The following HMCN1 variants were observed in gnomAD, a reference collection of about 807,000 sequenced individuals.
HMCN1 encodes the protein hemicentin-1.
A neutral mutation model predicts 625.9 loss-of-function variants in HMCN1; 321 were observed. The observed-to-expected ratio is 0.51, with a 90% CI of 0.47 to 0.56. The LOEUF is 0.56. Ranked by LOEUF, HMCN1 falls within the 20% of genes least tolerant of loss-of-function variation. The pLI is 0.00. For missense variants in HMCN1, 6,588 were observed against 6,887.3 expected, an observed-to-expected ratio of 0.96 and a Z score of 1.54; for synonymous variants, 2,425 against 2,417.6, an observed-to-expected ratio of 1.00 and a Z score of -0.09.
intron 59 of HMCN1, 39 bp from the exon 60 acceptor site, chr1:186,087,404 A>G (rs1216577906): frequency 5.0e-6 from 8 of 1,605,830 alleles, no homozygotes; most frequent in Non-Finnish European, 6.8e-6. Context: ...TGAGCACCTT[A>G]ATGAAAAAGA....
At chr1:185,982,187 T>TG in intron 17 of HMCN1, 75 bp from the exon 18 acceptor site, 1 of 1,398,218 alleles carries the variant, frequency 7.2e-7, no homozygotes, top group South Asian at 1.2e-5. Context: ...TAACAGTCTT[T>TG]GGGGCCTGTG....
chr1:186,139,139 T>C (rs1649800730), intron 89 of HMCN1, among the ~76,000 whole-genome samples: 1 of 152,206 alleles, frequency 6.6e-6, no homozygotes, highest in African/African-American at 2.4e-5. Flanking sequence ...TTGCATCCTA[T>C]TGTGCAGATG....
chr1:186,112,736 T>C, intron 71 of HMCN1, 76 bp from the exon 72 acceptor site: 1 of 1,565,112 alleles, frequency 6.4e-7, no homozygotes, highest in Non-Finnish European at 8.7e-7. Context: ...CTATACTTAC[T>C]TTTGATGCTG....
chr1:186,007,081 T>G, intron 29 of HMCN1, 47 bp from the exon 30 acceptor site: 1 of 1,447,870 alleles, frequency 6.9e-7, no homozygotes, highest in Non-Finnish European at 9.7e-7. Flanking sequence ...ATAAGAAATG[T>G]GAAAAACTGA....
intron 16 of HMCN1, among the ~76,000 whole-genome samples, chr1:185,980,704 T>A (rs1651566473): frequency 6.6e-6 from 1 of 152,216 alleles, no homozygotes; most frequent in Non-Finnish European, 1.5e-5. Context: ...GGACTGCCCG[T>A]CCTCTATTCT....
chr1:185,909,177 G>A (rs1169939130), intron 4 of HMCN1, among the ~76,000 whole-genome samples, 160 bp from the exon 5 acceptor site: 1 of 152,058 alleles, frequency 6.6e-6, no homozygotes, highest in African/African-American at 2.4e-5. Context: ...ACACTAACCA[G>A]AATTAGAAAG....
intron 24 of HMCN1, among the ~76,000 whole-genome samples, chr1:185,996,124 A>C (rs1013186639): frequency 6.6e-6 from 1 of 152,172 alleles, no homozygotes; most frequent in Non-Finnish European, 1.5e-5. Flanking sequence ...TAGTCTCATG[A>C]CTATGTAATT....
At position 186,187,939 on chromosome 1, in the gene HMCN1, A is replaced by G; in HGVS notation, c.16471A>G (p.Asn5491Asp). 6.2e-7 allele frequency: 1 copy of G among 1,613,718 alleles called. No individual in the cohort carries two copies. Among genetic ancestry groups the G allele is most frequent in the Non-Finnish European group, 8.5e-7 (1 of 1,179,700 alleles). Residue 5491 changes from asparagine (N) to aspartate (D), a missense_variant, in exon 106 of 107, where the codon AAC becomes GAC. Coordinates refer to ENST00000271588, the MANE Select transcript of HMCN1 (RefSeq NM_031935.3). ...CTGTGGACCCAATCGCATGTGCTTC[A>G]ACATGAGAGGAAGCTACCAGTGCAT... Reference protein sequence around the residue: ...VHCGPNRMCFNMRGSYQCIDT... With the variant: ...VHCGPNRMCFDMRGSYQCIDT...
chr1:185,968,563 TAAG>T (rs1364079445), intron 14 of HMCN1, among the ~76,000 whole-genome samples: 1 of 151,662 alleles, frequency 6.6e-6, no homozygotes, highest in East Asian at 1.9e-4. Flanking sequence ...ACAGTACAGT[TAAG>T]AAGTTTTTAA....
intron 1 of HMCN1, among the ~76,000 whole-genome samples, chr1:185,806,608 T>G (rs1659189143): frequency 6.6e-6 from 1 of 152,034 alleles, no homozygotes; most frequent in Admixed American, 6.6e-5. Context: ...TATCTTTGAT[T>G]TTTTTCTTTG....
At chr1:185,906,951 A>ATTTTTTTTT (rs573094693) in intron 4 of HMCN1, among the ~76,000 whole-genome samples, 1 of 108,628 alleles carries the variant, frequency 9.2e-6, no homozygotes, top group Non-Finnish European at 2.1e-5. Flanking sequence ...AATCCTTTCT[A>ATTTTTTTTT]TTTTTTTTTT....
intron 102 of HMCN1, 111 bp downstream of exon 102, chr1:186,172,242 T>A (rs1342693117): frequency 6.8e-7 from 1 of 1,464,506 alleles, no homozygotes; most frequent in Non-Finnish European, 9.5e-7. Context: ...CAAGGAAATC[T>A]TTCTTTTTCC....
intron 103 of HMCN1, chr1:186,177,192 G>C (rs1478517052): frequency 6.6e-6 from 1 of 152,348 alleles, no homozygotes; most frequent in African/African-American, 2.4e-5. Context: ...TGTAGTTCCA[G>C]CTACTTGGGA....
At chr1:186,137,771 C>A in intron 88 of HMCN1, 31 bp from the exon 89 acceptor site, 1 of 1,614,008 alleles carries the variant, frequency 6.2e-7, no homozygotes, top group East Asian at 2.2e-5. Flanking sequence ...TTGAAATATA[C>A]CTGATGGTGT....
At chr1:186,125,878 A>G (rs549980384) in intron 82 of HMCN1, 84 bp downstream of exon 82, 1 of 954,844 alleles carries the variant, frequency 1.0e-6, no homozygotes, top group East Asian at 2.7e-5. Context: ...ATGGAAGTAT[A>G]TTCTTTAATA....
chr1:186,012,283 AAGAT>A (rs1485042457), intron 30 of HMCN1, among the ~76,000 whole-genome samples: 3 of 152,188 alleles, frequency 2.0e-5, no homozygotes, highest in Middle Eastern at 3.4e-3. Flanking sequence ...CAAATCTTAA[AAGAT>A]TCTGCTTCAG....
At chr1:185,768,960 A>G (rs145400712) in intron 1 of HMCN1, among the ~76,000 whole-genome samples, 365 of 152,344 alleles carry the variant, frequency 2.4e-3, no homozygotes, top group African/African-American at 8.4e-3. Context: ...TATCTGGTAC[A>G]TAGCAGGTTA....
At position 186,182,245 on chromosome 1, in the gene HMCN1, C is replaced by A; in HGVS notation, c.16372C>A (p.Pro5458Thr). The change falls in exon 105 of 107, where the codon CCA becomes ACA. Residue 5458 changes from proline (P) to threonine (T), a missense_variant. This residue lies in a region of HMCN1 where 1,954 missense variants were observed against 2,013.1 expected (regional missense o/e 0.97). Coordinates refer to ENST00000271588, the MANE Select transcript of HMCN1 (RefSeq NM_031935.3). ...CTTTGGAAGTTATCAGTGCATCTGCCCACCTGGCTATCAACTCACACACAA... is the reference window on the plus strand; with the variant it reads ...CTTTGGAAGTTATCAGTGCATCTGCACACCTGGCTATCAACTCACACACAA... ...NTFGSYQCIC[P>T]PGYQLTHNGK... is the part of the protein sequence containing the mutation. 1 of 1,613,450 alleles carries A rather than the reference C, an allele frequency of 6.2e-7. No individual in the cohort carries two copies. Among genetic ancestry groups the A allele is most frequent in the Non-Finnish European group, 8.5e-7 (1 of 1,179,498 alleles).
At chr1:185,832,054 G>A (rs940254220) in intron 1 of HMCN1, among the ~76,000 whole-genome samples, 1 of 152,166 alleles carries the variant, frequency 6.6e-6, no homozygotes, top group African/African-American at 2.4e-5. Context: ...CCAGCACTTT[G>A]GGAGGCTGAG....
Sources: gnomAD v4.1 joint callset for allele counts (sites outside exome capture counted in the v4.1 genomes callset) on GRCh38, gnomAD v4.1.1 for gene constraint, gnomAD v4.1.1 regional missense constraint, MANE v1.5 for transcripts, NCBI Gene and HGNC (gene_info 2026-07-23, HGNC 2026-07-21) for gene names.